DDX11: variants seen among roughly 807,000 people sequenced by gnomAD.
DDX11 encodes the protein DEAD/H-box helicase 11, also known as ATP-dependent DNA helicase DDX11.
Under a neutral mutation model 125.2 loss-of-function variants are expected in DDX11, and 72 were observed. The observed-to-expected ratio is 0.58, with a 90% CI of 0.48 to 0.70. The LOEUF (loss-of-function observed/expected upper bound fraction) is 0.70, where lower values mean the gene tolerates loss of function less well. Among genes scored for constraint, DDX11 ranks in the 30% least tolerant of loss-of-function variants. DDX11 has a pLI of 0.00. For missense variants in DDX11, 883 were observed against 1,165.0 expected, an observed-to-expected ratio of 0.76 and a Z score of 3.52; for synonymous variants, 347 against 452.6, an observed-to-expected ratio of 0.77 and a Z score of 2.96.
intron 12 of DDX11, 172 bp downstream of exon 12, chr12:31,093,496 C>G: frequency 1.2e-6 from 1 of 839,974 alleles, no homozygotes; most frequent in Non-Finnish European, 2.0e-6. Flanking sequence ...AGGTGGTTCA[C>G]CTGAGGTTAG....
In DDX11 at chr12:31,104,203, A is replaced by G; in HGVS notation, c.*367A>G. ...CATCTCCGTCCTGCCCACCTTCTTA[A>G]GAGGCGAGATGGAGCAGGCCCATCT... On this transcript the variant is annotated 3_prime_UTR_variant, in exon 27 of 27. Coordinates refer to ENST00000542838, the MANE Select transcript of DDX11 (RefSeq NM_030653.4). 1 of 1,081,566 alleles carries G rather than the reference A, an allele frequency of 9.2e-7. No homozygotes were observed. The highest frequency in any genetic ancestry group is 1.3e-6 in the Non-Finnish European group (1 of 777,154). The allele number at this position is 1,081,566 out of a possible 1,614,324, so 67.0% of individuals were successfully genotyped here. A position where few individuals can be genotyped will look rare whatever the true frequency, so the allele number is the denominator to read the frequency against.
intron 6 of DDX11, 96 bp downstream of exon 6, chr12:31,088,079 C>A (rs528617984): frequency 1.3e-6 from 2 of 1,544,630 alleles, no homozygotes; most frequent in South Asian, 1.2e-5. Flanking sequence ...TACTTCTCAC[C>A]CTCCTCTCCA....
Position 31,101,996 on chromosome 12 carries a change from C to G in DDX11, c.2202+14C>G. 6.2e-7 allele frequency: 1 copy of G among 1,608,568 alleles called. No homozygotes were observed. The highest frequency in any genetic ancestry group is 8.5e-7 in the Non-Finnish European group (1 of 1,177,924). On this transcript the variant is annotated intron_variant, in intron 21 of 26. Transcript: ENST00000542838. The stretch of plus-strand genomic sequence containing the variant: ...GCCAGGAAGAAGGTGAGTGGCCTGT[C>G]GGCAGCCTTCCCACTTGTGAGGACA...
At chr12:31,086,156 A>G (rs1156294276) in intron 5 of DDX11, 2 of 453,658 alleles carry the variant, frequency 4.4e-6, no homozygotes, top group South Asian at 3.1e-5. Flanking sequence ...GCTGTGGCCA[A>G]ACACCCTGCC....
intron 6 of DDX11, among the ~76,000 whole-genome samples, chr12:31,088,615 TAGA>T (rs1329323029): frequency 3.3e-5 from 5 of 152,240 alleles, no homozygotes; most frequent in Non-Finnish European, 7.3e-5. Flanking sequence ...ACTCTTGCCT[TAGA>T]GGAGTAGAGA....
rs774170602 is a variant in DDX11 at position 31,096,618 on chromosome 12, T to C, written c.1522-19T>C. The C allele has an allele frequency of 3.1e-6, 5 of 1,612,422 alleles. No individual in the cohort carries two copies. Among genetic ancestry groups the C allele is most frequent in the Non-Finnish European group, 4.2e-6 (5 of 1,179,776 alleles). ...GCTGTACCTCGTTCCTCTCCACTGC[T>C]CTCTCTCATCCCACCCAGCTCTTTG... On this transcript the variant is annotated intron_variant, in intron 15 of 26. Transcript: ENST00000542838.
chr12:31,098,852 G>A (rs1231287898), intron 18 of DDX11, among the ~76,000 whole-genome samples: 1 of 152,170 alleles, frequency 6.6e-6, no homozygotes, highest in African/African-American at 2.4e-5. Context: ...CCCGTGGCCC[G>A]GTCAGTCTCG....
At chr12:31,086,050 C>T (rs1009230508) in intron 5 of DDX11, 8 of 454,314 alleles carry the variant, frequency 1.8e-5, no homozygotes, top group African/African-American at 8.0e-5. Context: ...CACCTCCAGC[C>T]GCCATCCACC....
chr12:31,089,059 C>T lies in DDX11; in HGVS notation c.700C>T (p.Arg234Trp), dbSNP rs750666619. 1.2e-5 allele frequency: 20 copies of T among 1,613,728 alleles called. No homozygotes were observed. Among genetic ancestry groups the T allele is most frequent in the African/African-American group, 1.3e-5 (1 of 74,922 alleles). ...EHITKIYYCS[R>W]THSQLAQFVH... ...TCTCTGCTAGATTTATTACTGTAGT[C>T]GGACACACTCCCAGCTGGCCCAGTT... The change falls in exon 7 of 27, where the codon CGG becomes TGG. Residue 234 changes from arginine to tryptophan, a missense_variant. Transcript: ENST00000542838.
At chr12:31,080,323 G>T (rs532349850) in intron 2 of DDX11, among the ~76,000 whole-genome samples, 3 of 152,040 alleles carry the variant, frequency 2.0e-5, no homozygotes, top group Non-Finnish European at 4.4e-5. Flanking sequence ...CCCCCTCAGT[G>T]CCTGCTTTCA....
chr12:31,075,166 T>G (rs1337849321), intron 1 of DDX11, among the ~76,000 whole-genome samples: 1 of 152,152 alleles, frequency 6.6e-6, no homozygotes, highest in Non-Finnish European at 1.5e-5. Context: ...GCTGAACAAG[T>G]CACTGCAAAT....
intron 6 of DDX11, among the ~76,000 whole-genome samples, chr12:31,088,361 A>G (rs150233235): frequency 6.0e-4 from 92 of 152,122 alleles, no homozygotes; most frequent in Non-Finnish European, 1.1e-3. Context: ...GCATCGAGGA[A>G]CAGCTGTTCT....
chr12:31,093,974 G>C (rs976361994), intron 12 of DDX11, among the ~76,000 whole-genome samples: 14 of 150,200 alleles, frequency 9.3e-5, no homozygotes, highest in South Asian at 8.6e-4. Flanking sequence ...ATGCGGTTTT[G>C]TGTGCCCTGT....
At chr12:31,100,998 G>A in intron 19 of DDX11, 29 bp from the exon 20 acceptor site, 1 of 1,591,210 alleles carries the variant, frequency 6.3e-7, no homozygotes, top group Non-Finnish European at 8.6e-7. Context: ...TGCATCTCCA[G>A]TTTTCGGCCC....
chr12:31,104,187 C>T lies in DDX11; in HGVS notation c.*351C>T. ...GTGGCATCCACTGTGGCATCTCCGT[C>T]CTGCCCACCTTCTTAAGAGGCGAGA... On this transcript the variant is annotated 3_prime_UTR_variant, in exon 27 of 27. Transcript: ENST00000542838. 2 of 1,279,322 alleles carry T rather than the reference C, an allele frequency of 1.6e-6. No individual in the cohort carries two copies. The highest frequency in any genetic ancestry group is 2.1e-6 in the Non-Finnish European group (2 of 953,534). 79.2% of individuals were successfully genotyped at this position (1,279,322 alleles called of 1,614,324 possible). A position where few individuals can be genotyped will look rare whatever the true frequency, so the allele number is the denominator to read the frequency against.
chr12:31,075,301 T>TA (rs71052458), intron 1 of DDX11, among the ~76,000 whole-genome samples: 78,294 of 148,544 alleles, frequency 0.53, 21,817 homozygotes, highest in East Asian at 0.81. Context: ...AAATAATACT[T>TA]ACGTTTCTTC....
chr12:31,094,533 G>A, intron 12 of DDX11, 57 bp from the exon 13 acceptor site: 1 of 1,405,352 alleles, frequency 7.1e-7, no homozygotes, highest in Non-Finnish European at 9.7e-7. Flanking sequence ...AGAAGATAGG[G>A]AAGGGTTGGG....
At position 31,085,522 on chromosome 12, in the gene DDX11, G is replaced by T. The variant is rs2543268; in HGVS notation, c.638+396G>T. ...GGCAGCTGACTGCACTGGGTAACCTGTGAGGTGCCAACCATCAAGGCGTCC... is the reference window on the plus strand; with the variant it reads ...GGCAGCTGACTGCACTGGGTAACCTTTGAGGTGCCAACCATCAAGGCGTCC... On this transcript the variant is annotated intron_variant, in intron 5 of 26. Transcript: ENST00000542838. 3.3e-3 allele frequency among the ~76,000 whole-genome samples: 507 copies of T among 152,222 alleles called. 1 individual carries two copies. The highest frequency in any genetic ancestry group is 0.011 in the African/African-American group (476 of 41,474).
chr12:31,098,535 T>C (rs1283767170), intron 18 of DDX11, among the ~76,000 whole-genome samples: 2 of 151,280 alleles, frequency 1.3e-5, no homozygotes, highest in African/African-American at 4.8e-5. Flanking sequence ...GCATTTCATG[T>C]AGCTGCTTCT....
Sources: gnomAD v4.1 joint callset for allele counts (sites outside exome capture counted in the v4.1 genomes callset) on GRCh38, gnomAD v4.1.1 for gene constraint, MANE v1.5 for transcripts, NCBI Gene and HGNC (gene_info 2026-07-23, HGNC 2026-07-21) for gene names.